Variants in REDIC1 observed in about 807,000 individuals in gnomAD.
REDIC1 encodes HEI10 Interacting Protein 1.
At chr12:39,726,152 CTCT>C in the REDIC1 span, among the ~76,000 whole-genome samples, 63 of 151,028 alleles carry the variant, frequency 4.2e-4, no homozygotes, top group East Asian at 5.6e-3. Flanking sequence ...CCTCTTCCTC[CTCT>C]TCTTCTTCTT....
the REDIC1 span, among the ~76,000 whole-genome samples, chr12:39,742,905 G>A: frequency 2.6e-4 from 40 of 152,140 alleles, 1 homozygote; most frequent in Admixed American, 2.2e-3. Flanking sequence ...AGAAACCTCC[G>A]TGGGAAACAG....
At chr12:39,796,630 A>G in the REDIC1 span, among the ~76,000 whole-genome samples, 3 of 152,094 alleles carry the variant, frequency 2.0e-5, no homozygotes, top group African/African-American at 7.2e-5. Context: ...CTACTGAAAA[A>G]GGAGAGGAAA....
chr12:39,717,400 ACTAAGGAAAT>A, the REDIC1 span, among the ~76,000 whole-genome samples: 34 of 152,180 alleles, frequency 2.2e-4, 1 homozygote, highest in South Asian at 7.0e-3. Context: ...AGAAAACGTT[ACTAAGGAAAT>A]CTTAAGGAAG....
At chr12:39,662,980 G>T in the REDIC1 span, among the ~76,000 whole-genome samples, 1 of 151,950 alleles carries the variant, frequency 6.6e-6, no homozygotes, top group Non-Finnish European at 1.5e-5. Flanking sequence ...TAATCCACTT[G>T]ATGATCATGT....
At chr12:39,721,514 G>A in the REDIC1 span, 36 of 338,034 alleles carry the variant, frequency 1.1e-4, no homozygotes, top group Non-Finnish European at 1.9e-4. Flanking sequence ...AAATGTACTA[G>A]CGTTTTTATG....
At chr12:39,896,463 T>C in the REDIC1 span, among the ~76,000 whole-genome samples, 5 of 144,130 alleles carry the variant, frequency 3.5e-5, no homozygotes, top group African/African-American at 1.3e-4. Flanking sequence ...TGTATATATG[T>C]ATACATATAT....
chr12:39,721,123 G>A, the REDIC1 span: 1 of 1,613,682 alleles, frequency 6.2e-7, no homozygotes, highest in East Asian at 2.2e-5. Context: ...ATTAGATGTT[G>A]CCATACAGTG....
At chr12:39,864,438 A>T in the REDIC1 span, among the ~76,000 whole-genome samples, 1 of 152,216 alleles carries the variant, frequency 6.6e-6, no homozygotes, top group East Asian at 1.9e-4. Context: ...CACAGAGGTG[A>T]CTGAATTGTA....
chr12:39,862,960 C>T, the REDIC1 span, among the ~76,000 whole-genome samples: 30,564 of 151,980 alleles, frequency 0.2, 3,454 homozygotes, highest in Non-Finnish European at 0.27. Context: ...CCATAAAAAC[C>T]CAGTAAGCGG....
the REDIC1 span, among the ~76,000 whole-genome samples, chr12:39,695,680 A>T: frequency 6.6e-6 from 1 of 152,162 alleles, no homozygotes; most frequent in Non-Finnish European, 1.5e-5. Flanking sequence ...GGGGAACTTG[A>T]CACCCTGAAG....
At chr12:39,773,102 G>A in the REDIC1 span, among the ~76,000 whole-genome samples, 2 of 152,234 alleles carry the variant, frequency 1.3e-5, no homozygotes, top group African/African-American at 2.4e-5. Flanking sequence ...TAATGCTCCC[G>A]AAAAGGAACA....
the REDIC1 span, among the ~76,000 whole-genome samples, chr12:39,822,233 C>T: frequency 5.3e-5 from 8 of 151,928 alleles, no homozygotes; most frequent in Admixed American, 1.3e-4. Context: ...CGTTTCCTGC[C>T]CAAGTGTTAA....
the REDIC1 span, among the ~76,000 whole-genome samples, chr12:39,889,719 A>T: frequency 6.6e-6 from 1 of 151,754 alleles, no homozygotes; most frequent in Non-Finnish European, 1.5e-5. Context: ...TTTTAGAGAG[A>T]CGGGGTTTCA....
At chr12:39,701,210 C>T in the REDIC1 span, among the ~76,000 whole-genome samples, 1 of 152,070 alleles carries the variant, frequency 6.6e-6, no homozygotes, top group African/African-American at 2.4e-5. Flanking sequence ...TGCGGAGACA[C>T]ACATAGGCTC....
chr12:39,740,290 T>C, the REDIC1 span, among the ~76,000 whole-genome samples: 2,475 of 152,274 alleles, frequency 0.016, 64 homozygotes, highest in African/African-American at 0.054. Flanking sequence ...GGAAAAAATT[T>C]TAATTACCAA....
At chr12:39,750,596 A>G in the REDIC1 span, among the ~76,000 whole-genome samples, 3 of 152,350 alleles carry the variant, frequency 2.0e-5, no homozygotes, top group Admixed American at 1.3e-4. Context: ...AAGAGCCCGC[A>G]TTGCCAAGTC....
chr12:39,841,821 A>C, the REDIC1 span, among the ~76,000 whole-genome samples: 7 of 152,168 alleles, frequency 4.6e-5, no homozygotes, highest in South Asian at 1.5e-3. Flanking sequence ...TAGAAGGAAT[A>C]CTTAAGAGAC....
chr12:39,890,607 AT>A, the REDIC1 span, among the ~76,000 whole-genome samples: 2 of 152,060 alleles, frequency 1.3e-5, no homozygotes, highest in Non-Finnish European at 1.5e-5. Flanking sequence ...AATTTGTGGG[AT>A]TTTTTTCATT....
the REDIC1 span, among the ~76,000 whole-genome samples, chr12:39,683,844 T>A: frequency 6.6e-6 from 1 of 152,130 alleles, no homozygotes; most frequent in Non-Finnish European, 1.5e-5. Context: ...TGAAAAAGCA[T>A]ATTTTCTTAC....
Sources: allele counts gnomAD v4.1 joint callset (sites outside exome capture counted in the v4.1 genomes callset), GRCh38; gene constraint gnomAD v4.1.1; transcripts MANE v1.5; gene names NCBI Gene and HGNC (gene_info 2026-07-23, HGNC 2026-07-21).